Variants in CRX observed in about 807,000 individuals in gnomAD.
CRX encodes the protein cone-rod homeobox.
In CRX, 5 loss-of-function variants were observed where a neutral mutation model predicts 13.1. That is an observed-to-expected ratio of 0.38 (90% CI 0.20 to 0.80). The LOEUF is 0.80. CRX is among the 30% of genes least tolerant of loss of function. The pLI is 0.43. For synonymous variants in CRX, 179 were observed against 171.1 expected (o/e 1.05, Z -0.36); for missense variants, 351 against 391.8 (o/e 0.90, Z 0.88).
rs116753769 is a variant in CRX, at chr19:47,828,783, T to C, written c.-35-5626T>C. 8.0e-3 allele frequency among the ~76,000 whole-genome samples: 1,216 copies of C among 151,072 alleles called. 16 individuals are homozygous for C. Among genetic ancestry groups the C allele is most frequent in the African/African-American group, 0.026 (1,065 of 41,122 alleles). ...GGCTTATGCAAATAGCTGTGGAGGGTGAGAGGTTTTCTGAGTCCATCCTAA... is the reference window on the plus strand; with the variant it reads ...GGCTTATGCAAATAGCTGTGGAGGGCGAGAGGTTTTCTGAGTCCATCCTAA... On this transcript the variant is annotated intron_variant, in intron 1 of 3. Transcript: ENST00000221996.
chr19:47,833,247 G>GTT lies in CRX; in HGVS notation c.-35-1156_-35-1155dup, dbSNP rs3834631. ...GCCGCCTTGCTTAGCCCTTACTGTC[G>GTT]TTTTTTTGTTTGTTTTTGTTTTTGT... On this transcript the variant is annotated intron_variant, in intron 1 of 3. Transcript: ENST00000221996. 8.0e-5 allele frequency among the ~76,000 whole-genome samples: 12 copies of GTT among 150,138 alleles called. No individual in the cohort carries two copies. The South Asian group carries it at 1.7e-3, about 21-fold the overall frequency.
intron 1 of CRX, among the ~76,000 whole-genome samples, chr19:47,829,385 G>A (rs1356508670): frequency 6.6e-6 from 1 of 152,080 alleles, no homozygotes; most frequent in Non-Finnish European, 1.5e-5. Context: ...AGGCTGGAGT[G>A]CAATGGCGTG....
rs772689018 is a variant in CRX at position 47,839,732 on chromosome 19, T to C, written c.665T>C (p.Leu222Pro). ...SSYFSGLDPYLSPMVPQLGGP... is the reference protein window; with the variant it reads ...SSYFSGLDPYPSPMVPQLGGP... ...TATTTCAGCGGCCTAGACCCCTACC[T>C]TTCTCCCATGGTGCCCCAGCTAGGG... The change falls in exon 4 of 4, where the codon CTT becomes CCT. Residue 222 changes from leucine (L) to proline (P), a missense_variant. By Grantham distance (98) the Leu-to-Pro change is moderately conservative. This residue lies in a region of CRX where 253 missense variants were observed against 268.3 expected (regional missense o/e 0.94). Coordinates refer to ENST00000221996, the MANE Select transcript of CRX (RefSeq NM_000554.6). The surrounding 1 kb of genome is among the most constrained non-coding windows in gnomAD (Gnocchi z 4.6). 7 of 1,614,008 alleles carry C rather than the reference T, an allele frequency of 4.3e-6. No individual in the cohort carries two copies. The South Asian group carries it at 6.6e-5, about 15-fold the overall frequency.
intron 1 of CRX, among the ~76,000 whole-genome samples, chr19:47,830,354 A>G (rs973287650): frequency 6.6e-6 from 1 of 151,972 alleles, no homozygotes; most frequent in Non-Finnish European, 1.5e-5. Context: ...CGCATATATA[A>G]TAAGCACAGG....
Position 47,839,506 on chromosome 19 carries a change from C to T in CRX, c.439C>T (p.Pro147Ser), listed in dbSNP as rs1173779531. 2 of 1,613,780 alleles carry T rather than the reference C, an allele frequency of 1.2e-6. No homozygotes were observed. The highest frequency in any genetic ancestry group is 2.7e-5 in the African/African-American group (2 of 74,904). ...CTCAGATTCCTACAGTCCCCCTCTG[C>T]CCGGCCCCTCAGGCTCCCCAACCAC... ...GISDSYSPPL[P>S]GPSGSPTTAV... Residue 147 changes from proline (P) to serine (S), a missense_variant, in exon 4 of 4, where the codon CCC (proline) becomes TCC (serine). Physicochemically the swap from Pro to Ser is moderately conservative, Grantham distance 74. Transcript: ENST00000221996. The surrounding 1 kb of genome is among the most constrained non-coding windows in gnomAD (Gnocchi z 4.6).
rs1306242591 is a variant in CRX, at chr19:47,839,317, C to G, written c.253-3C>G. Reference sequence around the variant, plus strand: ...CACCCCCATCTCCGCTCTTATCCCCCAGGTTTGGTTCAAGAACCGGAGGGC... The same window carrying G: ...CACCCCCATCTCCGCTCTTATCCCCGAGGTTTGGTTCAAGAACCGGAGGGC... On this transcript the variant is annotated splice_region_variant and splice_polypyrimidine_tract_variant and intron_variant, in intron 3 of 3. Coordinates refer to ENST00000221996, the MANE Select transcript of CRX (RefSeq NM_000554.6). The surrounding 1 kb of genome is among the most constrained non-coding windows in gnomAD (Gnocchi z 4.6). 1 of 1,613,126 alleles carries G rather than the reference C, an allele frequency of 6.2e-7. No individual in the cohort carries two copies. Among genetic ancestry groups the G allele is most frequent in the Non-Finnish European group, 8.5e-7 (1 of 1,179,682 alleles).
At chr19:47,822,653 T>C (rs923408940) in intron 1 of CRX, among the ~76,000 whole-genome samples, 1 of 152,306 alleles carries the variant, frequency 6.6e-6, no homozygotes, top group East Asian at 1.9e-4. Context: ...ACTGTGCTGG[T>C]GAATTGATCA....
Position 47,839,078 on chromosome 19 carries a change from C to T in CRX, c.253-242C>T, listed in dbSNP as rs59657689. The stretch of plus-strand genomic sequence containing the variant: ...GTATAATTGTACGTGTGCATGTTTG[C>T]ATTAGACGGATGGGATGAATGCACA... On this transcript the variant is annotated intron_variant, in intron 3 of 3. Transcript: ENST00000221996. This position sits in a 1 kb window ranked among gnomAD's most constrained non-coding sequence, Gnocchi z 4.6. Among the ~76,000 whole-genome samples, 65,357 of 151,398 alleles carry T rather than the reference C, an allele frequency of 0.43. 14,794 individuals are homozygous for T. Among genetic ancestry groups the T allele is most frequent in the African/African-American group, 0.5 (20,555 of 41,242 alleles).
At chr19:47,833,828 G>GT (rs747520957) in intron 1 of CRX, among the ~76,000 whole-genome samples, 2 of 151,696 alleles carry the variant, frequency 1.3e-5, no homozygotes, top group Non-Finnish European at 2.9e-5. Context: ...GATTTGTTTT[G>GT]TTTTTTTCTT....
In CRX at chr19:47,842,319, C is replaced by G. The variant is rs934726956; in HGVS notation, c.*2352C>G. 1 of 152,358 alleles carries G rather than the reference C, an allele frequency of 6.6e-6. No homozygotes were observed. Among genetic ancestry groups the G allele is most frequent in the African/African-American group, 2.4e-5 (1 of 41,458 alleles). 9.4% of individuals were successfully genotyped at this position (152,358 alleles called of 1,614,324 possible). Reference sequence around the variant, plus strand: ...GGAGTGGGCCGGGTGCGGTGGCTCACGCCTGTAATCCCAGCACTTTGGGAG... The same window carrying G: ...GGAGTGGGCCGGGTGCGGTGGCTCAGGCCTGTAATCCCAGCACTTTGGGAG... On this transcript the variant is annotated 3_prime_UTR_variant, in exon 4 of 4. Coordinates refer to ENST00000221996, the MANE Select transcript of CRX (RefSeq NM_000554.6).
chr19:47,834,837 G>T (rs541461401), intron 2 of CRX, among the ~76,000 whole-genome samples: 2 of 152,148 alleles, frequency 1.3e-5, no homozygotes, highest in South Asian at 2.1e-4. Context: ...CAGAGACAAG[G>T]TCTCACACTC....
At chr19:47,828,245 G>T (rs143308929) in intron 1 of CRX, among the ~76,000 whole-genome samples, 2 of 152,084 alleles carry the variant, frequency 1.3e-5, no homozygotes, top group East Asian at 3.9e-4. Context: ...GAGAAGCTGC[G>T]GTCTTATTTC....
In CRX at chr19:47,839,710, T is replaced by C. The variant is rs1210026946; in HGVS notation, c.643T>C (p.Phe215Leu). 6.2e-7 allele frequency: 1 copy of C among 1,613,908 alleles called. No homozygotes were observed. The highest frequency in any genetic ancestry group is 8.5e-7 in the Non-Finnish European group (1 of 1,180,000). The change falls in exon 4 of 4, where the codon TTC becomes CTC. Residue 215 changes from phenylalanine (F) to leucine (L), a missense_variant. By Grantham distance (22) the Phe-to-Leu change is conservative. This residue lies in a region of CRX where 253 missense variants were observed against 268.3 expected (regional missense o/e 0.94). Coordinates refer to ENST00000221996, the MANE Select transcript of CRX (RefSeq NM_000554.6). This position sits in a 1 kb window ranked among gnomAD's most constrained non-coding sequence, Gnocchi z 4.6. ...PSAYGSPSSY[F>L]SGLDPYLSPM... ...CGCCTATGGGTCTCCGAGCTCCTAT[T>C]TCAGCGGCCTAGACCCCTACCTTTC...
intron 1 of CRX, among the ~76,000 whole-genome samples, chr19:47,831,464 T>C (rs1324235999): frequency 6.6e-6 from 1 of 152,090 alleles, no homozygotes; most frequent in Non-Finnish European, 1.5e-5. Flanking sequence ...AGATCAGCGG[T>C]GGCTCTAGAC....
chr19:47,823,956 G>A (rs1228576885), intron 1 of CRX, among the ~76,000 whole-genome samples: 2 of 152,258 alleles, frequency 1.3e-5, no homozygotes, highest in Non-Finnish European at 1.5e-5. Flanking sequence ...GGCCGAGTCT[G>A]CGTTTAAATC....
intron 3 of CRX, among the ~76,000 whole-genome samples, chr19:47,837,795 GTATGTATCATCAGATGGATAAGTC>G (rs1431161860): frequency 2.6e-5 from 4 of 152,000 alleles, no homozygotes; most frequent in Non-Finnish European, 5.9e-5. Flanking sequence ...GTGTACAATT[GTATGTATCATCAGATGGATAAGTC>G]TATGTATGAT....
intron 1 of CRX, among the ~76,000 whole-genome samples, chr19:47,826,951 A>G (rs948069587): frequency 6.6e-6 from 1 of 152,094 alleles, no homozygotes; most frequent in South Asian, 2.1e-4. Flanking sequence ...AGCTGTTGGC[A>G]GGAGGCCTCA....
intron 1 of CRX, among the ~76,000 whole-genome samples, chr19:47,827,089 C>T (rs1292210823): frequency 6.6e-6 from 1 of 152,172 alleles, no homozygotes; most frequent in Non-Finnish European, 1.5e-5. Flanking sequence ...TGGTTACACA[C>T]GTCAGCCAGC....
At chr19:47,825,299 T>TG (rs1967962059) in intron 1 of CRX, among the ~76,000 whole-genome samples, 1 of 150,412 alleles carries the variant, frequency 6.6e-6, no homozygotes, top group Non-Finnish European at 1.5e-5. Flanking sequence ...CTTGCTCTGT[T>TG]GCCCAGGCTG....
Sources: gnomAD v4.1 joint callset for allele counts (sites outside exome capture counted in the v4.1 genomes callset) on GRCh38, gnomAD v4.1.1 for gene constraint, gnomAD v4.1.1 regional missense constraint, Gnocchi (gnomAD v3.1) non-coding constraint, MANE v1.5 for transcripts, NCBI Gene and HGNC (gene_info 2026-07-23, HGNC 2026-07-21) for gene names.